The following ZNF57 variants were observed in gnomAD, a reference collection of about 807,000 sequenced individuals.
ZNF57 encodes the protein zinc finger protein 57, also known as zinc finger protein 424.
In ZNF57, 11 loss-of-function variants were observed where a neutral mutation model predicts 13.4. That is an observed-to-expected ratio of 0.82 (90% CI 0.52 to 1.36). ZNF57 has a LOEUF of 1.36. Ranked by LOEUF, ZNF57 falls within the 40% of genes most tolerant of loss-of-function variation. ZNF57 has a pLI of 0.00. For missense variants in ZNF57, 696 were observed against 667.5 expected (o/e 1.04, Z -0.47); for synonymous variants, 224 against 238.5 (o/e 0.94, Z 0.56).
At position 2,918,019 on chromosome 19, in the gene ZNF57, T is replaced by C. The variant is rs138816024; in HGVS notation, c.1398T>C (p.His466=). The change falls in exon 4 of 4, where the codon CAT becomes CAC. Residue 466 remains histidine (H), a synonymous_variant. Transcript: ENST00000306908. The part of the protein sequence containing the change: ...AFTSSRAFQG[H]LRMHTGEKPY... ...CCTCTTCCAGAGCATTCCAAGGTCA[T>C]TTGAGGATGCACACTGGAGAGAAGC... The C allele has an allele frequency of 3.1e-6, 5 of 1,613,942 alleles. No homozygotes were observed. The highest frequency in any genetic ancestry group is 2.2e-5 in the East Asian group (1 of 44,882).
intron 1 of ZNF57, among the ~76,000 whole-genome samples, chr19:2,909,284 T>TTTA (rs2088110174): frequency 1.5e-5 from 2 of 131,006 alleles, no homozygotes; most frequent in Non-Finnish European, 3.3e-5. Flanking sequence ...TATTTTTGTT[T>TTTA]TTTTTTTTTT....
At chr19:2,916,358 A>AC in intron 3 of ZNF57, 109 bp downstream of exon 3, 1 of 1,039,816 alleles carries the variant, frequency 9.6e-7, no homozygotes. Context: ...CAGAATTTTA[A>AC]CCAAAAAAAA....
chr19:2,916,305 TATTGCTCCAAATATAAGC>T (rs2088194937), intron 3 of ZNF57, 56 bp downstream of exon 3: 2 of 1,440,234 alleles, frequency 1.4e-6, no homozygotes, highest in African/African-American at 1.4e-5. Context: ...TATATCTAAG[TATTGCTCCAAATATAAGC>T]ATTGCTCCAA....
Position 2,918,391 on chromosome 19 carries a change from C to G in ZNF57, c.*102C>G. 1 of 1,277,796 alleles carries G rather than the reference C, an allele frequency of 7.8e-7. No homozygotes were observed. The highest frequency in any genetic ancestry group is 1.1e-6 in the Non-Finnish European group (1 of 934,750). The allele number at this position is 1,277,796 out of a possible 1,614,324, so 79.2% of individuals were successfully genotyped here. A position where few individuals can be genotyped will look rare whatever the true frequency, so the allele number is the denominator to read the frequency against. ...AGAAATCTTACAAGTATGATATTGT[C>G]TTTGTCAATACCTCATTTGTAAAAC... On this transcript the variant is annotated 3_prime_UTR_variant, in exon 4 of 4. Coordinates refer to ENST00000306908, the MANE Select transcript of ZNF57 (RefSeq NM_173480.3).
At chr19:2,908,140 T>C (rs936643730) in intron 1 of ZNF57, among the ~76,000 whole-genome samples, 1 of 152,250 alleles carries the variant, frequency 6.6e-6, no homozygotes, top group African/African-American at 2.4e-5. Context: ...AGTAGAAACA[T>C]AATGCAATTT....
At position 2,917,272 on chromosome 19, in the gene ZNF57, TCA is replaced by T; in HGVS notation, c.656_657del (p.Thr219SerfsTer15). 6.2e-7 allele frequency: 1 copy of T among 1,614,042 alleles called. No individual in the cohort carries two copies. Among genetic ancestry groups the T allele is most frequent in the Non-Finnish European group, 8.5e-7 (1 of 1,179,946 alleles). ...PRYLSHHVKT[H>X]TAEKTYKCEQ... Reference sequence around the variant, plus strand: ...GTTACCTCTCCCACCACGTAAAGACTCACACAGCAGAGAAAACCTACAAATGC... The same window carrying T: ...GTTACCTCTCCCACCACGTAAAGACTCACAGCAGAGAAAACCTACAAATGC... On this transcript the variant is annotated frameshift_variant, in exon 4 of 4. Transcript: ENST00000306908. LOFTEE classifies it low-confidence loss of function (END_TRUNC).
rs148976781 is a variant in ZNF57 at position 2,916,710 on chromosome 19, C to T, written c.303-214C>T. 2.0e-3 allele frequency: 734 copies of T among 375,314 alleles called. 5 individuals carry two copies. Among genetic ancestry groups the T allele is most frequent in the African/African-American group, 0.014 (671 of 47,492 alleles). 23.2% of individuals were successfully genotyped at this position (375,314 alleles called of 1,614,324 possible). A position where few individuals can be genotyped will look rare whatever the true frequency, so the allele number is the denominator to read the frequency against. ...CAGCCTGGGTGACAGAGTGAGACTC[C>T]ATCTCAAAAAATAAATAAATAAAAA... On this transcript the variant is annotated intron_variant, in intron 3 of 3. Transcript: ENST00000306908.
chr19:2,909,288 T>TTTTTG (rs1555677951), intron 1 of ZNF57, among the ~76,000 whole-genome samples: 1 of 134,500 alleles, frequency 7.4e-6, no homozygotes, highest in Non-Finnish European at 1.6e-5. Context: ...TTTGTTTTTT[T>TTTTTG]TTTTTTTTTT....
intron 1 of ZNF57, among the ~76,000 whole-genome samples, chr19:2,911,526 C>G (rs2088135928): frequency 7.6e-6 from 1 of 132,256 alleles, no homozygotes; most frequent in Non-Finnish European, 1.6e-5. Context: ...GAGGGAGAGT[C>G]TGTCTCAAAA....
chr19:2,918,257 A>ATTCT lies in ZNF57; in HGVS notation c.1641_1644dup (p.Lys549PhefsTer2). On this transcript the variant is annotated frameshift_variant, in exon 4 of 4. Transcript: ENST00000306908. LOFTEE classifies it low-confidence loss of function (END_TRUNC). ...CTCAAAAGCCTTCAGTTGCCAAGTC[A>ATTCT]TTCTTTCTAAAACCAGTGAGAGCAC... 6.2e-7 allele frequency: 1 copy of ATTCT among 1,611,104 alleles called. No individual in the cohort carries two copies. The highest frequency in any genetic ancestry group is 8.5e-7 in the Non-Finnish European group (1 of 1,178,146).
At chr19:2,904,717 C>T (rs58847726) in intron 1 of ZNF57, among the ~76,000 whole-genome samples, 4,528 of 152,082 alleles carry the variant, frequency 0.03, 102 homozygotes, top group Middle Eastern at 0.1. Flanking sequence ...AATTTTTACA[C>T]TTTTAGTAGA....
rs2088192544 is a variant in ZNF57, at chr19:2,916,186, G to C, written c.239G>C (p.Cys80Ser). ...CCAAACTTCACAGGAAATAATTCCT[G>C]TGCCTACACTTTAGAAAAAAATTGT... ...TIPNFTGNNSCAYTLEKNCEG... is the reference protein window; with the variant it reads ...TIPNFTGNNSSAYTLEKNCEG... The change falls in exon 3 of 4, where the codon TGT becomes TCT. Residue 80 changes from cysteine to serine, a missense_variant. Physicochemically the swap from Cys to Ser is moderately radical, Grantham distance 112. This residue lies in a region of ZNF57 where 645 missense variants were observed against 591.5 expected (regional missense o/e 1.09). Coordinates refer to ENST00000306908, the MANE Select transcript of ZNF57 (RefSeq NM_173480.3). The C allele has an allele frequency of 1.2e-6, 2 of 1,613,946 alleles. No individual in the cohort carries two copies. Among genetic ancestry groups the C allele is most frequent in the Non-Finnish European group, 1.7e-6 (2 of 1,179,986 alleles).
chr19:2,905,731 C>T (rs2088069605), intron 1 of ZNF57, among the ~76,000 whole-genome samples: 1 of 145,278 alleles, frequency 6.9e-6, no homozygotes, highest in South Asian at 2.2e-4. Flanking sequence ...CGCCACTGCA[C>T]TCCAGCCTGG....
rs770436902 is a variant in ZNF57 at position 2,916,928 on chromosome 19, C to T, written c.307C>T (p.His103Tyr). 6.4e-7 allele frequency: 1 copy of T among 1,566,942 alleles called. No individual in the cohort carries two copies. The highest frequency in any genetic ancestry group is 8.6e-7 in the Non-Finnish European group (1 of 1,157,072). The change falls in exon 4 of 4, where the codon CAT (histidine) becomes TAT (tyrosine). Residue 103 changes from histidine to tyrosine, a missense_variant. His to Tyr is a moderately conservative substitution (Grantham distance 83). Transcript: ENST00000306908. Reference protein sequence around the residue: ...TEDHHKNLRNHMVDRFCTHNE... With the variant: ...TEDHHKNLRNYMVDRFCTHNE... ...AATGTCTCTCATTTTTAACAGAAATCATATGGTGGACAGATTCTGTACACA... is the reference window on the plus strand; with the variant it reads ...AATGTCTCTCATTTTTAACAGAAATTATATGGTGGACAGATTCTGTACACA...
intron 1 of ZNF57, among the ~76,000 whole-genome samples, chr19:2,907,663 G>C (rs1363804901): frequency 6.6e-6 from 1 of 152,076 alleles, no homozygotes; most frequent in Non-Finnish European, 1.5e-5. Context: ...GAAAGTTTTG[G>C]CTATTTTTAG....
In ZNF57 at chr19:2,916,871, A is replaced by G. The variant is rs1443305536; in HGVS notation, c.303-53A>G. The G allele has an allele frequency of 7.0e-5, 101 of 1,446,908 alleles. 1 individual carries two copies. The South Asian group carries it at 1.3e-3, about 19-fold the overall frequency. 89.6% of individuals were successfully genotyped at this position (1,446,908 alleles called of 1,614,324 possible). A position where few individuals can be genotyped will look rare whatever the true frequency, so the allele number is the denominator to read the frequency against. The stretch of plus-strand genomic sequence containing the variant: ...TTTCTAATACTTGTTAATACATCTC[A>G]ACACATCATTACTAAACATACCATA... On this transcript the variant is annotated intron_variant, in intron 3 of 3. Coordinates refer to ENST00000306908, the MANE Select transcript of ZNF57 (RefSeq NM_173480.3).
rs200825469 is a variant in ZNF57 at position 2,917,166 on chromosome 19, A to G, written c.545A>G (p.His182Arg). The G allele has an allele frequency of 5.8e-5, 93 of 1,614,184 alleles. No individual in the cohort carries two copies. The African/African-American group carries it at 6.5e-4, about 11-fold the overall frequency. Residue 182 changes from histidine (H) to arginine (R), a missense_variant, in exon 4 of 4, where the codon CAC (histidine) becomes CGC (arginine). Physicochemically the swap from His to Arg is conservative, Grantham distance 29 (BLOSUM62 0). Around this residue, in one of 3 missense-constraint regions of ZNF57, gnomAD observed 645 missense variants for 591.5 expected, o/e 1.09. Coordinates refer to ENST00000306908, the MANE Select transcript of ZNF57 (RefSeq NM_173480.3). ...ECKQACICPS[H>R]LHSHGRTDTE... The stretch of plus-strand genomic sequence containing the variant: ...AAGCAGGCCTGCATTTGTCCCTCAC[A>G]CCTACACAGTCACGGAAGAACTGAC...
At chr19:2,915,676 GT>G (rs758208605) in intron 2 of ZNF57, 28 bp downstream of exon 2, 3 of 1,613,250 alleles carry the variant, frequency 1.9e-6, no homozygotes, top group Non-Finnish European at 2.5e-6. Flanking sequence ...CCTTCCCTTG[GT>G]TTTTAATGAA....
At position 2,905,412 on chromosome 19, in the gene ZNF57, C is replaced by CCCA. The variant is rs1555677384; in HGVS notation, c.3+4366_3+4367insACC. ...ACTCTTGACTTCAGGTGATCGCCCC[C>CCCA]CCCCCCTCGGCATTCCAAAGTATTT... On this transcript the variant is annotated intron_variant, in intron 1 of 3. Transcript: ENST00000306908. 4.3e-5 allele frequency among the ~76,000 whole-genome samples: 3 copies of CCCA among 70,374 alleles called. 1 individual carries two copies. In the South Asian group the frequency reaches 1.4e-3, roughly 32 times the overall value. The allele number at this position is 70,374 out of a possible 152,430, so 46.2% of individuals were successfully genotyped here.
Sources: gnomAD v4.1 joint callset for allele counts (sites outside exome capture counted in the v4.1 genomes callset) on GRCh38, gnomAD v4.1.1 for gene constraint, gnomAD v4.1.1 regional missense constraint, MANE v1.5 for transcripts, NCBI Gene and HGNC (gene_info 2026-07-23, HGNC 2026-07-21) for gene names.